The following PTPRD variants were observed in gnomAD, a reference collection of about 807,000 sequenced individuals.
PTPRD encodes the protein receptor-type tyrosine-protein phosphatase delta.
Under a neutral mutation model 214.5 loss-of-function variants are expected in PTPRD, and 34 were observed. That is an observed-to-expected ratio of 0.16 (90% CI 0.12 to 0.21). The LOEUF (loss-of-function observed/expected upper bound fraction) is 0.21, where lower values mean the gene tolerates loss of function less well. Ranked by LOEUF, PTPRD falls within the 10% of genes least tolerant of loss-of-function variation. The probability of loss-of-function intolerance (pLI) is 1.00; values close to 1 mark genes in which losing one functional copy is unlikely to be tolerated. For missense variants in PTPRD, 2,545 were observed against 2,398.7 expected, an observed-to-expected ratio of 1.06 and a Z score of -1.27; for synonymous variants, 1,128 against 845.7, an observed-to-expected ratio of 1.33 and a Z score of -5.79.
chr9:9,139,110 C>T (rs975456624), intron 10 of PTPRD, among the ~76,000 whole-genome samples: 4 of 151,718 alleles, frequency 2.6e-5, no homozygotes, highest in South Asian at 2.1e-4. Flanking sequence ...CCCCCCCGCC[C>T]CCACCTTATC....
chr9:9,806,114 C>T (rs1050193655), intron 5 of PTPRD, among the ~76,000 whole-genome samples: 3 of 151,984 alleles, frequency 2.0e-5, no homozygotes, highest in Non-Finnish European at 2.9e-5. Flanking sequence ...ATAAGATGCA[C>T]GGGTCTTATT....
chr9:10,000,177 T>C (rs2096273208), intron 4 of PTPRD, among the ~76,000 whole-genome samples: 1 of 152,140 alleles, frequency 6.6e-6, no homozygotes, highest in African/African-American at 2.4e-5. Flanking sequence ...AAAATGTTGC[T>C]TTTATATTAA....
chr9:8,394,058 G>T (rs899023500), intron 36 of PTPRD, among the ~76,000 whole-genome samples: 1 of 151,896 alleles, frequency 6.6e-6, no homozygotes, highest in Non-Finnish European at 1.5e-5. Flanking sequence ...ACAGAATTAG[G>T]CACGTTTTAG....
intron 5 of PTPRD, among the ~76,000 whole-genome samples, chr9:9,806,202 G>A (rs867080856): frequency 1.1e-4 from 17 of 152,166 alleles, no homozygotes; most frequent in African/African-American, 3.6e-4. Flanking sequence ...AGGAATGTCA[G>A]GCAACCATCA....
chr9:8,549,784 G>C (rs183870672), intron 14 of PTPRD, among the ~76,000 whole-genome samples: 1 of 152,078 alleles, frequency 6.6e-6, no homozygotes, highest in Non-Finnish European at 1.5e-5. Flanking sequence ...AATTCTAATG[G>C]TAGCTTAGGA....
At chr9:8,712,755 G>A (rs1233035209) in intron 12 of PTPRD, among the ~76,000 whole-genome samples, 2 of 152,114 alleles carry the variant, frequency 1.3e-5, no homozygotes. Context: ...TTCCCTCCTT[G>A]TTGCCCAGGC....
Position 8,404,143 on chromosome 9 carries a change from G to A in PTPRD, c.4210+394C>T, listed in dbSNP as rs184237508. The stretch of plus-strand genomic sequence containing the variant: ...TTAATTACTTTCTTTTTTTCTTTGA[G>A]ATGGAGTCTCACTCTGTTGCCCAGG... On this transcript the variant is annotated intron_variant, in intron 36 of 45. Coordinates refer to ENST00000381196, the MANE Select transcript of PTPRD (RefSeq NM_002839.4). Among the ~76,000 whole-genome samples, 178 of 152,234 alleles carry A rather than the reference G, an allele frequency of 1.2e-3. 1 individual carries two copies. The highest frequency in any genetic ancestry group is 4.2e-3 in the African/African-American group (174 of 41,544).
At chr9:9,084,936 C>G (rs1212459879) in intron 10 of PTPRD, among the ~76,000 whole-genome samples, 1 of 152,204 alleles carries the variant, frequency 6.6e-6, no homozygotes, top group African/African-American at 2.4e-5. Flanking sequence ...ATGAAGAAAA[C>G]TTTTCATCAA....
At chr9:8,962,138 T>TA (rs1379693112) in intron 11 of PTPRD, 3 of 152,156 alleles carry the variant, frequency 2.0e-5, no homozygotes, top group South Asian at 2.1e-4. Flanking sequence ...TGTTATGTGC[T>TA]AACCATCCTG....
chr9:8,672,090 G>A (rs564478652), intron 12 of PTPRD, among the ~76,000 whole-genome samples: 1 of 152,190 alleles, frequency 6.6e-6, no homozygotes, highest in African/African-American at 2.4e-5. Context: ...TTATCTATTT[G>A]TGTTGTACCA....
intron 7 of PTPRD, among the ~76,000 whole-genome samples, chr9:9,658,583 C>T (rs774976922): frequency 6.6e-6 from 1 of 152,066 alleles, no homozygotes; most frequent in Non-Finnish European, 1.5e-5. Flanking sequence ...CTTGTGAGAT[C>T]CCTTCATTGT....
chr9:10,188,245 C>T (rs294854), intron 3 of PTPRD, among the ~76,000 whole-genome samples: 118,845 of 152,048 alleles, frequency 0.78, 47,430 homozygotes, highest in East Asian at 0.97. Context: ...CTAGATGACA[C>T]TGTAATTGAT....
intron 11 of PTPRD, among the ~76,000 whole-genome samples, chr9:8,899,143 T>G (rs2098644533): frequency 6.6e-6 from 1 of 152,122 alleles, no homozygotes; most frequent in South Asian, 2.1e-4. Context: ...AAAAAAAGAT[T>G]GTTTATCTGC....
rs566439012 is a variant in PTPRD, at chr9:10,356,689, C to CT, written c.-599-15673dup. Among the ~76,000 whole-genome samples the CT allele has an allele frequency of 3.4e-3, 510 of 149,054 alleles. 1 individual carries two copies. The highest frequency in any genetic ancestry group is 0.01 in the Middle Eastern group (3 of 288). ...CATAAAAATGTTTTTTTTCTTTTTT[C>CT]TTTTTTTTTGAGACAGAGTCTCACT... On this transcript the variant is annotated intron_variant, in intron 2 of 45. Coordinates refer to ENST00000381196, the MANE Select transcript of PTPRD (RefSeq NM_002839.4).
intron 2 of PTPRD, among the ~76,000 whole-genome samples, chr9:10,424,075 A>AAAACATT (rs2098585318): frequency 2.0e-5 from 3 of 152,024 alleles, no homozygotes; most frequent in South Asian, 4.1e-4. Context: ...AGATTACATT[A>AAAACATT]AAACATTTTG....
chr9:9,585,394 T>A (rs997888859), intron 7 of PTPRD, among the ~76,000 whole-genome samples: 2 of 152,138 alleles, frequency 1.3e-5, no homozygotes, highest in African/African-American at 4.8e-5. Flanking sequence ...CATCTTCAAT[T>A]CACATCTTAA....
rs869096131 is a variant in PTPRD at position 9,976,689 on chromosome 9, CAAAAAA to C, written c.-471-38085_-471-38080del. Among the ~76,000 whole-genome samples, 50 of 63,252 alleles carry C rather than the reference CAAAAAA, an allele frequency of 7.9e-4. 2 individuals carry two copies. The highest frequency in any genetic ancestry group is 1.0e-3 in the Non-Finnish European group (39 of 38,326). The allele number at this position is 63,252 out of a possible 152,430, so 41.5% of individuals were successfully genotyped here. A position where few individuals can be genotyped will look rare whatever the true frequency, so the allele number is the denominator to read the frequency against. The stretch of plus-strand genomic sequence containing the variant: ...GGTGTGAGCCACTACACCCTGCCAC[CAAAAAA>C]AAAAAAAAAAAAAAAAATTTACTTT... On this transcript the variant is annotated intron_variant, in intron 4 of 45. Coordinates refer to ENST00000381196, the MANE Select transcript of PTPRD (RefSeq NM_002839.4).
intron 9 of PTPRD, among the ~76,000 whole-genome samples, chr9:9,388,619 C>G (rs2064727433): frequency 6.6e-6 from 1 of 151,868 alleles, no homozygotes; most frequent in Admixed American, 6.6e-5. Flanking sequence ...TTCTCATATA[C>G]AAGTTTATGA....
chr9:10,155,007 A>G (rs2099084563), intron 3 of PTPRD, among the ~76,000 whole-genome samples: 1 of 152,064 alleles, frequency 6.6e-6, no homozygotes, highest in South Asian at 2.1e-4. Flanking sequence ...TTTCATAATA[A>G]TAGTATTGAA....
Sources: gnomAD v4.1 joint callset for allele counts (sites outside exome capture counted in the v4.1 genomes callset) on GRCh38, gnomAD v4.1.1 for gene constraint, MANE v1.5 for transcripts, NCBI Gene and HGNC (gene_info 2026-07-23, HGNC 2026-07-21) for gene names.